CDH13: variants seen among roughly 807,000 people sequenced by gnomAD.
CDH13 encodes the protein cadherin-13.
Under a neutral mutation model 63.8 loss-of-function variants are expected in CDH13, and 24 were observed. The ratio of observed to expected loss-of-function variants is 0.38; its 90% CI spans 0.27 to 0.53. The LOEUF is 0.53. CDH13 is among the 20% of genes least tolerant of loss of function. The pLI, the probability that CDH13 is intolerant of heterozygous loss-of-function variation, is 0.85. For missense variants in CDH13, 1,049 were observed against 903.1 expected (o/e 1.16, Z -2.07); for synonymous variants, 503 against 355.3 (o/e 1.42, Z -4.67).
intron 6 of CDH13, among the ~76,000 whole-genome samples, chr16:83,416,766 G>T (rs1233371402): frequency 6.6e-6 from 1 of 152,162 alleles, no homozygotes; most frequent in Non-Finnish European, 1.5e-5. Context: ...AAATCTCTGA[G>T]ATTCAAATCC....
At chr16:82,665,244 G>T (rs191371580) in intron 1 of CDH13, among the ~76,000 whole-genome samples, 2 of 152,152 alleles carry the variant, frequency 1.3e-5, no homozygotes, top group Non-Finnish European at 2.9e-5. Context: ...ACTGCAGAGT[G>T]CTCTCTAGTG....
chr16:83,592,375 AG>A (rs1286643683), intron 7 of CDH13, among the ~76,000 whole-genome samples: 2 of 152,236 alleles, frequency 1.3e-5, no homozygotes, highest in Non-Finnish European at 2.9e-5. Context: ...ATGCACCAAA[AG>A]CAGAGTCTGT....
At chr16:83,648,808 T>TC (rs1912083917) in intron 8 of CDH13, among the ~76,000 whole-genome samples, 1 of 152,112 alleles carries the variant, frequency 6.6e-6, no homozygotes, top group Non-Finnish European at 1.5e-5. Flanking sequence ...TCCTTATCTA[T>TC]CCCCCTTTTT....
At chr16:83,470,517 C>G (rs565628152) in intron 6 of CDH13, among the ~76,000 whole-genome samples, 16 of 152,230 alleles carry the variant, frequency 1.1e-4, no homozygotes, top group East Asian at 7.7e-4. Flanking sequence ...GCCTAGATTC[C>G]TCTTATAATA....
intron 11 of CDH13, among the ~76,000 whole-genome samples, chr16:83,763,012 A>G (rs779934817): frequency 3.9e-5 from 6 of 152,114 alleles, no homozygotes; most frequent in Non-Finnish European, 8.8e-5. Context: ...AGCCCAAACC[A>G]TCTCTACGGG....
chr16:83,086,864 A>T (rs2033627908), intron 3 of CDH13, among the ~76,000 whole-genome samples: 3 of 152,198 alleles, frequency 2.0e-5, no homozygotes, highest in Admixed American at 6.5e-5. Flanking sequence ...ACCACAAAAA[A>T]ATCCTATGAA....
intron 5 of CDH13, among the ~76,000 whole-genome samples, chr16:83,341,991 A>C (rs112711987): frequency 2.1e-4 from 19 of 90,688 alleles, no homozygotes; most frequent in Non-Finnish European, 3.4e-4. Context: ...GTCCCCTGCC[A>C]CACACACACA....
intron 4 of CDH13, among the ~76,000 whole-genome samples, chr16:83,191,528 C>T (rs112952862): frequency 0.07 from 4,872 of 69,342 alleles, 165 homozygotes; most frequent in African/African-American, 0.2. Flanking sequence ...CACACACACA[C>T]ACATATATAT....
chr16:83,058,514 G>T (rs2031187213), intron 3 of CDH13, among the ~76,000 whole-genome samples: 1 of 151,824 alleles, frequency 6.6e-6, no homozygotes. Context: ...TCTAACAAAT[G>T]CTCTTGTCCA....
At chr16:83,377,078 C>G (rs2091473077) in intron 6 of CDH13, among the ~76,000 whole-genome samples, 1 of 152,138 alleles carries the variant, frequency 6.6e-6, no homozygotes, top group African/African-American at 2.4e-5. Flanking sequence ...CTCTCCAACC[C>G]TGGCTGACCT....
chr16:83,300,499 C>T (rs1052236086), intron 5 of CDH13, among the ~76,000 whole-genome samples: 1 of 152,216 alleles, frequency 6.6e-6, no homozygotes, highest in Admixed American at 6.5e-5. Context: ...TGACAAGTTA[C>T]CAGCTGAGTA....
chr16:82,811,558 G>A lies in CDH13; in HGVS notation c.46-46804G>A, dbSNP rs139734818. ...TAGTTGAAGAACCTGCTTAATTTTC[G>A]TTAGAGGGTAATGAAAATAAGGGTG... On this transcript the variant is annotated intron_variant, in intron 1 of 13. Coordinates refer to ENST00000567109, the MANE Select transcript of CDH13 (RefSeq NM_001257.5). 3.7e-3 allele frequency among the ~76,000 whole-genome samples: 566 copies of A among 152,126 alleles called. 3 individuals carry two copies. The highest frequency in any genetic ancestry group is 0.012 in the African/African-American group (517 of 41,476).
Position 83,351,166 on chromosome 16 carries a change from G to C in CDH13, c.781+6160G>C, listed in dbSNP as rs374821700. Among the ~76,000 whole-genome samples the C allele has an allele frequency of 3.1e-4, 47 of 152,024 alleles. 1 individual carries two copies. Among genetic ancestry groups the C allele is most frequent in the African/African-American group, 1.0e-3 (43 of 41,504 alleles). On this transcript the variant is annotated intron_variant, in intron 6 of 13. Transcript: ENST00000567109. ...CTGTGATGTGGCTTTTCAACCCATT[G>C]ACTGTTAATTTTTTTTTGCTGATAT...
intron 2 of CDH13, among the ~76,000 whole-genome samples, chr16:82,870,796 T>G (rs530712834): frequency 1.3e-5 from 2 of 152,338 alleles, no homozygotes; most frequent in South Asian, 4.1e-4. Flanking sequence ...TAAATTACTT[T>G]TTAAAATATT....
intron 5 of CDH13, among the ~76,000 whole-genome samples, chr16:83,250,433 C>T (rs982560190): frequency 3.9e-5 from 6 of 152,044 alleles, no homozygotes; most frequent in African/African-American, 1.2e-4. Flanking sequence ...ACCAGAATTT[C>T]GGGGCGTGAT....
chr16:83,505,531 CTTTTTTTTTTTT>C (rs5818453), intron 7 of CDH13, among the ~76,000 whole-genome samples: 1 of 97,376 alleles, frequency 1.0e-5, no homozygotes, highest in African/African-American at 4.2e-5. Context: ...GTGATTAATC[CTTTTTTTTTTTT>C]TTTTTTTTTT....
At chr16:83,110,595 C>T (rs1597355315) in intron 3 of CDH13, among the ~76,000 whole-genome samples, 1 of 152,188 alleles carries the variant, frequency 6.6e-6, no homozygotes, top group African/African-American at 2.4e-5. Flanking sequence ...TACATACTTA[C>T]TGTCTATACA....
intron 6 of CDH13, among the ~76,000 whole-genome samples, chr16:83,377,628 T>G (rs2091482545): frequency 6.6e-6 from 1 of 152,166 alleles, no homozygotes; most frequent in South Asian, 2.1e-4. Context: ...GCAAAAGTCA[T>G]TGAATTGAAA....
intron 5 of CDH13, among the ~76,000 whole-genome samples, chr16:83,272,644 T>A (rs1256277648): frequency 6.6e-6 from 1 of 152,206 alleles, no homozygotes; most frequent in African/African-American, 2.4e-5. Flanking sequence ...TAGCAAATCA[T>A]AATCATTTGC....
Sources: gnomAD v4.1 joint callset for allele counts (sites outside exome capture counted in the v4.1 genomes callset) on GRCh38, gnomAD v4.1.1 for gene constraint, MANE v1.5 for transcripts, NCBI Gene and HGNC (gene_info 2026-07-23, HGNC 2026-07-21) for gene names.